The following FUZ variants were observed in gnomAD, a reference collection of about 807,000 sequenced individuals.
FUZ encodes fuzzy planar cell polarity protein, also known as protein fuzzy homolog.
In FUZ, 31 loss-of-function variants were observed where a neutral mutation model predicts 43.1. That is an observed-to-expected ratio of 0.72 (90% CI 0.54 to 0.97). The LOEUF (loss-of-function observed/expected upper bound fraction) is 0.97. FUZ is among the 50% of genes least tolerant of loss of function. FUZ has a pLI of 0.00. For missense variants in FUZ, 539 were observed against 543.8 expected (o/e 0.99, Z 0.09); for synonymous variants, 274 against 250.0 (o/e 1.10, Z -0.91).
Position 49,813,128 on chromosome 19 carries a change from C to T in FUZ, c.-22G>A. 1 of 1,536,886 alleles carries T rather than the reference C, an allele frequency of 6.5e-7. No individual in the cohort carries two copies. The highest frequency in any genetic ancestry group is 8.8e-7 in the Non-Finnish European group (1 of 1,134,068). On this transcript the variant is annotated 5_prime_UTR_variant, in exon 1 of 11. Coordinates refer to ENST00000313777, the MANE Select transcript of FUZ (RefSeq NM_025129.5). ...CCATTTAGGACTCCCACCGCGGTCC[C>T]TCACGTGGGGACTGTCAGTGCGGGT...
chr19:49,808,852 G>A (rs1425232752), intron 7 of FUZ, 29 bp from the exon 8 acceptor site: 5 of 1,520,220 alleles, frequency 3.3e-6, no homozygotes, highest in East Asian at 2.5e-5. Context: ...TTGTGAGGTC[G>A]TCATGGGAAG....
At chr19:49,810,025 T>C (rs2073684259) in intron 5 of FUZ, among the ~76,000 whole-genome samples, 1 of 152,096 alleles carries the variant, frequency 6.6e-6, no homozygotes, top group South Asian at 2.1e-4. Flanking sequence ...GCACTGAGGT[T>C]GGAAACTTGT....
In FUZ at chr19:49,813,142, G is replaced by C. The variant is rs1413291598; in HGVS notation, c.-36C>G. 6.7e-7 allele frequency: 1 copy of C among 1,496,226 alleles called. No individual in the cohort carries two copies. The highest frequency in any genetic ancestry group is 9.1e-7 in the Non-Finnish European group (1 of 1,097,300). 92.7% of individuals were successfully genotyped at this position (1,496,226 alleles called of 1,614,324 possible). On this transcript the variant is annotated 5_prime_UTR_variant, in exon 1 of 11. Coordinates refer to ENST00000313777, the MANE Select transcript of FUZ (RefSeq NM_025129.5). ...CACCGCGGTCCCTCACGTGGGGACT[G>C]TCAGTGCGGGTCTTGGAGCATGGCG...
At chr19:49,810,118 C>G (rs777558707) in intron 5 of FUZ, among the ~76,000 whole-genome samples, 1 of 152,130 alleles carries the variant, frequency 6.6e-6, no homozygotes, top group Non-Finnish European at 1.5e-5. Flanking sequence ...GTGCCACAGG[C>G]CTTCAAACAC....
At position 49,807,185 on chromosome 19, in the gene FUZ, G is replaced by A. The variant is rs1221983171; in HGVS notation, c.1223C>T (p.Thr408Ile). ...SPTHGLRSLA[T>I]HTLHALTPLL ...TGGGGTGAGGGCATGCAGAGTGTGG[G>A]TGGCCAGGCTTCGCAGCCCATGGGT... Residue 408 changes from threonine to isoleucine, a missense_variant, in exon 11 of 11, where the codon ACC becomes ATC. By Grantham distance (89) the Thr-to-Ile change is moderately conservative. Transcript: ENST00000313777. 3.1e-6 allele frequency: 5 copies of A among 1,613,290 alleles called. No individual in the cohort carries two copies. The highest frequency in any genetic ancestry group is 2.7e-5 in the African/African-American group (2 of 74,778).
chr19:49,808,574 C>G lies in FUZ; in HGVS notation c.958G>C (p.Glu320Gln). The change falls in exon 9 of 11, where the codon GAG becomes CAG. Residue 320 changes from glutamate (E) to glutamine (Q), a missense_variant and splice_region_variant. Glu to Gln is a conservative substitution (Grantham distance 29, BLOSUM62 2). Transcript: ENST00000313777. ...TGCCCCTGCCCCTGTCCTCAGTCAC[C>G]TTTATCCCCCAAGGGCTCCACGGTG... ...LFTVEPLGDK[E>Q]PSPEQRRRLL... 1.2e-6 allele frequency: 2 copies of G among 1,606,508 alleles called. No homozygotes were observed. Among genetic ancestry groups the G allele is most frequent in the South Asian group, 2.2e-5 (2 of 89,946 alleles).
chr19:49,811,756 C>G, intron 3 of FUZ, 57 bp from the exon 4 acceptor site: 5 of 1,410,138 alleles, frequency 3.5e-6, no homozygotes, highest in Non-Finnish European at 4.0e-6. Flanking sequence ...ACTCCTGGGT[C>G]TGAAGGAAGA....
chr19:49,812,961 C>G (rs1440115719), intron 1 of FUZ, 35 bp downstream of exon 1: 1 of 1,513,404 alleles, frequency 6.6e-7, no homozygotes, highest in Non-Finnish European at 9.0e-7. Context: ...ACACCGAACC[C>G]CCTTCGGTTT....
At position 49,813,124 on chromosome 19, in the gene FUZ, G is replaced by T; in HGVS notation, c.-18C>A. 2 of 1,542,628 alleles carry T rather than the reference G, an allele frequency of 1.3e-6. No individual in the cohort carries two copies. Among genetic ancestry groups the T allele is most frequent in the Non-Finnish European group, 1.8e-6 (2 of 1,139,300 alleles). ...TCCCCCATTTAGGACTCCCACCGCG[G>T]TCCCTCACGTGGGGACTGTCAGTGC... On this transcript the variant is annotated 5_prime_UTR_variant, in exon 1 of 11. Transcript: ENST00000313777.
Position 49,812,746 on chromosome 19 carries a change from G to C in FUZ, c.112-10C>G. ...TGACAGAGAACGGGAGCTAAGGAGG[G>C]GTTAGGGACATCAGACAAGAGCACC... On this transcript the variant is annotated splice_polypyrimidine_tract_variant and intron_variant, in intron 1 of 10. Coordinates refer to ENST00000313777, the MANE Select transcript of FUZ (RefSeq NM_025129.5). 1.9e-6 allele frequency: 3 copies of C among 1,613,396 alleles called. No individual in the cohort carries two copies. In the East Asian group the frequency reaches 6.7e-5, roughly 36 times the overall value.
Position 49,813,147 on chromosome 19 carries a change from T to C in FUZ, c.-41A>G. ...CGGTCCCTCACGTGGGGACTGTCAG[T>C]GCGGGTCTTGGAGCATGGCGGTAAT... is the stretch of plus-strand genomic sequence containing the variant. On this transcript the variant is annotated 5_prime_UTR_variant, in exon 1 of 11. Coordinates refer to ENST00000313777, the MANE Select transcript of FUZ (RefSeq NM_025129.5). 6.7e-7 allele frequency: 1 copy of C among 1,498,428 alleles called. No individual in the cohort carries two copies. 92.8% of individuals were successfully genotyped at this position (1,498,428 alleles called of 1,614,324 possible).
chr19:49,812,121 C>G, intron 3 of FUZ, 130 bp downstream of exon 3: 1 of 756,028 alleles, frequency 1.3e-6, no homozygotes, highest in South Asian at 1.5e-5. Context: ...ACAAAACAAA[C>G]AAACAAACAA....
In FUZ at chr19:49,809,106, G is replaced by T; in HGVS notation, c.786+57C>A. ...GCTGGCAGGGCAGGGTGGTGGGGAA[G>T]GGCCCTCCTGGTAGCGGGTGTCCTA... On this transcript the variant is annotated intron_variant, in intron 7 of 10. Transcript: ENST00000313777. The surrounding 1 kb of genome is among the most constrained non-coding windows in gnomAD (Gnocchi z 5.1). The T allele has an allele frequency of 6.8e-7, 1 of 1,470,580 alleles. No homozygotes were observed. The highest frequency in any genetic ancestry group is 9.3e-7 in the Non-Finnish European group (1 of 1,074,438). The allele number at this position is 1,470,580 out of a possible 1,614,324, so 91.1% of individuals were successfully genotyped here.
chr19:49,808,873 CGGGGGAGGTCGGG>C lies in FUZ; in HGVS notation c.787-63_787-51del, dbSNP rs1010924278. 81 of 631,418 alleles carry C rather than the reference CGGGGGAGGTCGGG, an allele frequency of 1.3e-4. No homozygotes were observed. In the African/African-American group the frequency reaches 1.6e-3, roughly 13 times the overall value. The allele number at this position is 631,418 out of a possible 1,614,324, so 39.1% of individuals were successfully genotyped here. A position where few individuals can be genotyped will look rare whatever the true frequency, so the allele number is the denominator to read the frequency against. ...GGTCGTCATGGGAAGGCGGGGCCGG[CGGGGGAGGTCGGG>C]GGGTGTACAAGGATAGGGGCGTGGT... On this transcript the variant is annotated intron_variant, in intron 7 of 10. Transcript: ENST00000313777.
chr19:49,811,640 C>G lies in FUZ; in HGVS notation c.378G>C (p.Lys126Asn). 6.2e-7 allele frequency: 1 copy of G among 1,614,146 alleles called. No homozygotes were observed. Among genetic ancestry groups the G allele is most frequent in the Non-Finnish European group, 8.5e-7 (1 of 1,179,990 alleles). Reference sequence around the variant, plus strand: ...TGTCCTGCAACCTCACCCTCAAGTCCTTCTTCAGTCTCTCCACGTTGCGGA... The same window carrying G: ...TGTCCTGCAACCTCACCCTCAAGTCGTTCTTCAGTCTCTCCACGTTGCGGA... ...TNIRNVERLK[K>N]DLRASYCLID... The change falls in exon 4 of 11, where the codon AAG (lysine) becomes AAC (asparagine). Residue 126 changes from lysine (K) to asparagine (N), a missense_variant. Lys to Asn is a moderately conservative substitution (Grantham distance 94). Coordinates refer to ENST00000313777, the MANE Select transcript of FUZ (RefSeq NM_025129.5).
At chr19:49,811,524 C>T in intron 4 of FUZ, 57 bp from the exon 5 acceptor site, 4 of 1,586,294 alleles carry the variant, frequency 2.5e-6, no homozygotes, top group Non-Finnish European at 3.5e-6. Context: ...GTCAGACAAC[C>T]AAGAACCTGT....
At position 49,806,952 on chromosome 19, in the gene FUZ, G is replaced by A; in HGVS notation, c.*199C>T. The stretch of plus-strand genomic sequence containing the variant: ...CTGTTTACATTCTGGGGGGTTAGGG[G>A]GAGTCCCCCTCCCTCCCTTTCCCCC... On this transcript the variant is annotated 3_prime_UTR_variant, in exon 11 of 11. Coordinates refer to ENST00000313777, the MANE Select transcript of FUZ (RefSeq NM_025129.5). 2 of 1,533,610 alleles carry A rather than the reference G, an allele frequency of 1.3e-6. No homozygotes were observed. Among genetic ancestry groups the A allele is most frequent in the South Asian group, 2.4e-5 (2 of 83,146 alleles).
At position 49,809,071 on chromosome 19, in the gene FUZ, G is replaced by C; in HGVS notation, c.786+92C>G. 7.9e-7 allele frequency: 1 copy of C among 1,268,140 alleles called. No individual in the cohort carries two copies. 78.6% of individuals were successfully genotyped at this position (1,268,140 alleles called of 1,614,324 possible). On this transcript the variant is annotated intron_variant, in intron 7 of 10. Transcript: ENST00000313777. The surrounding 1 kb of genome is among the most constrained non-coding windows in gnomAD (Gnocchi z 5.1). ...GCAGTCCAGAAGAGGCGGGGCTGGGGAAAGATGCCGCTGGCAGGGCAGGGT... is the reference window on the plus strand; with the variant it reads ...GCAGTCCAGAAGAGGCGGGGCTGGGCAAAGATGCCGCTGGCAGGGCAGGGT...
chr19:49,811,201 G>GAAA, intron 5 of FUZ, 162 bp downstream of exon 5: 1 of 599,990 alleles, frequency 1.7e-6, no homozygotes, highest in African/African-American at 2.0e-5. Flanking sequence ...AGAAAGAAAA[G>GAAA]AAAAAAAAAA....
Sources: gnomAD v4.1 joint callset for allele counts (sites outside exome capture counted in the v4.1 genomes callset) on GRCh38, gnomAD v4.1.1 for gene constraint, Gnocchi (gnomAD v3.1) non-coding constraint, MANE v1.5 for transcripts, NCBI Gene and HGNC (gene_info 2026-07-23, HGNC 2026-07-21) for gene names.